KCNIP4: variants seen among roughly 807,000 people sequenced by gnomAD.
KCNIP4 encodes the protein potassium voltage-gated channel interacting protein 4, also known as Kv channel-interacting protein 4.
A neutral mutation model predicts 34.0 loss-of-function variants in KCNIP4; 12 were observed. The ratio of observed to expected loss-of-function variants is 0.35; its 90% confidence interval spans 0.23 to 0.57. The LOEUF is 0.57. Ranked by LOEUF, KCNIP4 falls within the 20% of genes least tolerant of loss-of-function variation. KCNIP4 has a pLI of 0.83. For synonymous variants in KCNIP4, 124 were observed against 102.2 expected, an observed-to-expected ratio of 1.21 and a Z score of -1.29; for missense variants, 238 against 311.7, an observed-to-expected ratio of 0.76 and a Z score of 1.78.
At chr4:21,620,329 C>T (rs1448893252) in intron 1 of KCNIP4, among the ~76,000 whole-genome samples, 1 of 152,120 alleles carries the variant, frequency 6.6e-6, no homozygotes, top group African/African-American at 2.4e-5. Context: ...TGGCAAAACC[C>T]TGTCTCTACA....
At chr4:21,327,650 C>T (rs1016971121) in intron 1 of KCNIP4, among the ~76,000 whole-genome samples, 2 of 152,046 alleles carry the variant, frequency 1.3e-5, no homozygotes, top group Non-Finnish European at 2.9e-5. Flanking sequence ...AGCTCTCTCT[C>T]TATATCTCCT....
At chr4:21,203,575 C>T (rs1224138009) in intron 1 of KCNIP4, among the ~76,000 whole-genome samples, 1 of 152,168 alleles carries the variant, frequency 6.6e-6, no homozygotes, top group Non-Finnish European at 1.5e-5. Flanking sequence ...GCTGAACCTG[C>T]ATGTTACCAC....
At chr4:21,073,780 A>G (rs984938430) in intron 1 of KCNIP4, among the ~76,000 whole-genome samples, 3 of 152,178 alleles carry the variant, frequency 2.0e-5, no homozygotes, top group Non-Finnish European at 4.4e-5. Flanking sequence ...GGGTTATCAT[A>G]AAGAGTGCTT....
chr4:20,932,761 T>G (rs1050063980), intron 1 of KCNIP4, among the ~76,000 whole-genome samples: 11 of 152,286 alleles, frequency 7.2e-5, no homozygotes, highest in Non-Finnish European at 1.2e-4. Context: ...GATTTTAACA[T>G]AAATAATTTT....
rs534286577 is a variant in KCNIP4, at chr4:21,295,402, T to C, written c.62-412693A>G. On this transcript the variant is annotated intron_variant, in intron 1 of 8. Transcript: ENST00000382152. ...AATCAGGAACTGTGTAGAGACTTTCTATTTGAACCCTTCAATGGCTTTCCA... is the reference window on the plus strand; with the variant it reads ...AATCAGGAACTGTGTAGAGACTTTCCATTTGAACCCTTCAATGGCTTTCCA... 3.9e-5 allele frequency among the ~76,000 whole-genome samples: 6 copies of C among 152,300 alleles called. No homozygotes were observed. In the South Asian group the frequency reaches 1.0e-3, roughly 26 times the overall value.
chr4:21,810,679 G>A lies in KCNIP4; in HGVS notation c.61+137892C>T, dbSNP rs181162533. Reference sequence around the variant, plus strand: ...CACTCCAGCCTGGGCGACAGAGCGAGACTCCGTCTCAAAAAAAAAAAAAAA... The same window carrying A: ...CACTCCAGCCTGGGCGACAGAGCGAAACTCCGTCTCAAAAAAAAAAAAAAA... On this transcript the variant is annotated intron_variant, in intron 1 of 8. Coordinates refer to ENST00000382152, the MANE Select transcript of KCNIP4 (RefSeq NM_025221.6). 1.5e-4 allele frequency among the ~76,000 whole-genome samples: 16 copies of A among 106,534 alleles called. No homozygotes were observed. The East Asian group carries it at 4.3e-3, about 29-fold the overall frequency. The allele number at this position is 106,534 out of a possible 152,430, so 69.9% of individuals were successfully genotyped here.
chr4:20,834,343 C>A (rs1232777117), intron 3 of KCNIP4, among the ~76,000 whole-genome samples: 1 of 152,132 alleles, frequency 6.6e-6, no homozygotes, highest in Non-Finnish European at 1.5e-5. Flanking sequence ...AACTATGTGC[C>A]AGGAAAAGTA....
intron 3 of KCNIP4, among the ~76,000 whole-genome samples, chr4:20,820,927 A>T (rs1717026733): frequency 6.6e-6 from 1 of 152,194 alleles, no homozygotes; most frequent in Admixed American, 6.5e-5. Flanking sequence ...ACCTGGTGCT[A>T]ACTGCTGGTG....
At chr4:20,994,360 T>A (rs1485946168) in intron 1 of KCNIP4, among the ~76,000 whole-genome samples, 1 of 152,196 alleles carries the variant, frequency 6.6e-6, no homozygotes, top group Non-Finnish European at 1.5e-5. Context: ...GGTAAGTGCA[T>A]GTGAGTGTGA....
chr4:20,930,839 A>AT (rs1185022302), intron 1 of KCNIP4, among the ~76,000 whole-genome samples: 23 of 40,588 alleles, frequency 5.7e-4, no homozygotes, highest in East Asian at 3.1e-3. Context: ...TGGCTATTAT[A>AT]AAAAAAAAAA....
At chr4:21,692,263 A>AT (rs1219083143) in intron 1 of KCNIP4, among the ~76,000 whole-genome samples, 1 of 152,204 alleles carries the variant, frequency 6.6e-6, no homozygotes, top group Non-Finnish European at 1.5e-5. Context: ...TAACATGCAA[A>AT]TTTCTTTCTG....
intron 1 of KCNIP4, among the ~76,000 whole-genome samples, chr4:21,031,640 C>T (rs1207946936): frequency 6.6e-6 from 1 of 152,102 alleles, no homozygotes; most frequent in African/African-American, 2.4e-5. Flanking sequence ...TACAATATCC[C>T]CTTGGCTTGG....
chr4:20,966,327 G>A (rs951497196), intron 1 of KCNIP4, among the ~76,000 whole-genome samples: 5 of 152,152 alleles, frequency 3.3e-5, no homozygotes, highest in African/African-American at 9.7e-5. Flanking sequence ...ATTTGCTGAC[G>A]TATAAAGTCA....
In KCNIP4 at chr4:21,046,028, G is replaced by A. The variant is rs11933073; in HGVS notation, c.62-163319C>T. ...ATTTGATACGGTTGGCAAGGTGTTTGATGAGGCTGTCACAATGACAACAAA... is the reference window on the plus strand; with the variant it reads ...ATTTGATACGGTTGGCAAGGTGTTTAATGAGGCTGTCACAATGACAACAAA... On this transcript the variant is annotated intron_variant, in intron 1 of 8. Transcript: ENST00000382152. Among the ~76,000 whole-genome samples, 796 of 152,280 alleles carry A rather than the reference G, an allele frequency of 5.2e-3. 7 individuals are homozygous for A. The highest frequency in any genetic ancestry group is 0.018 in the African/African-American group (764 of 41,546).
chr4:20,876,184 T>C (rs1724007145), intron 2 of KCNIP4, among the ~76,000 whole-genome samples: 2 of 152,210 alleles, frequency 1.3e-5, no homozygotes, highest in Non-Finnish European at 2.9e-5. Flanking sequence ...CACATACAAA[T>C]ATACAGATAA....
At chr4:21,864,880 G>A (rs147348725) in intron 1 of KCNIP4, among the ~76,000 whole-genome samples, 59 of 152,250 alleles carry the variant, frequency 3.9e-4, no homozygotes, top group African/African-American at 1.3e-3. Context: ...GCATAAATGC[G>A]GAAAATTGGG....
intron 1 of KCNIP4, among the ~76,000 whole-genome samples, chr4:21,543,107 T>C (rs1384299418): frequency 1.3e-5 from 2 of 151,970 alleles, no homozygotes; most frequent in African/African-American, 2.4e-5. Context: ...TTACAAATAA[T>C]GAATTATGAA....
At chr4:21,136,451 A>C (rs1354453795) in intron 1 of KCNIP4, among the ~76,000 whole-genome samples, 1 of 152,190 alleles carries the variant, frequency 6.6e-6, no homozygotes, top group African/African-American at 2.4e-5. Flanking sequence ...TGTGTTTATT[A>C]GTTCAGCAAA....
At position 20,754,305 on chromosome 4, in the gene KCNIP4, A is replaced by G. The variant is rs886306565; in HGVS notation, c.358+4516T>C. Among the ~76,000 whole-genome samples the G allele has an allele frequency of 2.0e-5, 3 of 152,238 alleles. No homozygotes were observed. In the South Asian group the frequency reaches 6.2e-4, roughly 32 times the overall value. ...CAGCCTGACACAATACAAATTGCAG[A>G]GAGTTCTGTAGATAAGACAAAGCAC... On this transcript the variant is annotated intron_variant, in intron 4 of 8. Transcript: ENST00000382152.
Sources: allele counts gnomAD v4.1 joint callset (sites outside exome capture counted in the v4.1 genomes callset), GRCh38; gene constraint gnomAD v4.1.1; transcripts MANE v1.5; gene names NCBI Gene and HGNC (gene_info 2026-07-23, HGNC 2026-07-21).